The following ENTPD1 variants were observed in gnomAD, a reference collection of about 807,000 sequenced individuals.
The protein encoded by ENTPD1 is ATP diphosphohydrolase.
Under a neutral mutation model 57.0 loss-of-function variants are expected in ENTPD1, and 33 were observed. The observed-to-expected ratio is 0.58, with a 90% CI of 0.44 to 0.77. The LOEUF (loss-of-function observed/expected upper bound fraction) is 0.77. ENTPD1 is among the 30% of genes least tolerant of loss of function. The pLI is 0.00. For missense variants in ENTPD1, 501 were observed against 603.4 expected (o/e 0.83, Z 1.78); for synonymous variants, 202 against 218.8 (o/e 0.92, Z 0.68).
intron 1 of ENTPD1, among the ~76,000 whole-genome samples, chr10:95,767,844 T>C (rs1219891475): frequency 6.6e-6 from 1 of 152,196 alleles, no homozygotes; most frequent in Non-Finnish European, 1.5e-5. Context: ...CAAAAGCATA[T>C]GTTCAAAACT....
At chr10:95,824,825 A>G (rs1189872745) in intron 2 of ENTPD1, among the ~76,000 whole-genome samples, 2 of 152,214 alleles carry the variant, frequency 1.3e-5, no homozygotes, top group African/African-American at 4.8e-5. Flanking sequence ...TGGGCCTGGC[A>G]AAATGGAACA....
intron 7 of ENTPD1, among the ~76,000 whole-genome samples, chr10:95,852,030 G>A (rs376249146): frequency 6.6e-6 from 1 of 152,270 alleles, no homozygotes; most frequent in African/African-American, 2.4e-5. Flanking sequence ...GGTTGAACTA[G>A]TTTACAGTCC....
chr10:95,841,609 G>C (rs1441275383), intron 3 of ENTPD1, among the ~76,000 whole-genome samples: 2 of 152,270 alleles, frequency 1.3e-5, no homozygotes, highest in South Asian at 2.1e-4. Flanking sequence ...TAACTTATTT[G>C]AATAATTATC....
intron 1 of ENTPD1, among the ~76,000 whole-genome samples, chr10:95,746,824 T>G (rs1479657162): frequency 6.6e-6 from 1 of 152,184 alleles, no homozygotes; most frequent in African/African-American, 2.4e-5. Flanking sequence ...CAAATTCAAT[T>G]GAATTAATTT....
At chr10:95,732,314 G>A (rs543526881) in intron 1 of ENTPD1, among the ~76,000 whole-genome samples, 17 of 152,252 alleles carry the variant, frequency 1.1e-4, no homozygotes, top group South Asian at 4.1e-4. Flanking sequence ...TGGAGGCAAA[G>A]TTCTTGCAAT....
intron 1 of ENTPD1, among the ~76,000 whole-genome samples, chr10:95,814,024 T>G (rs1292662282): frequency 6.6e-6 from 1 of 152,210 alleles, no homozygotes; most frequent in Non-Finnish European, 1.5e-5. Flanking sequence ...CAGGGCACAA[T>G]TTTTCAATTT....
the ENTPD1 span, among the ~76,000 whole-genome samples, chr10:95,702,437 T>G: frequency 6.6e-6 from 1 of 151,982 alleles, no homozygotes; most frequent in South Asian, 2.1e-4. Context: ...GATTATTTGT[T>G]AAGATCTAGT....
At chr10:95,734,429 T>C (rs1344702304) in intron 1 of ENTPD1, among the ~76,000 whole-genome samples, 1 of 152,192 alleles carries the variant, frequency 6.6e-6, no homozygotes, top group Non-Finnish European at 1.5e-5. Flanking sequence ...GGGCAGAATA[T>C]GGCAAGGGCT....
In ENTPD1 at chr10:95,847,469, G is replaced by A. The variant is rs1292775443; in HGVS notation, c.837G>A (p.Arg279=). The change falls in exon 7 of 10, where the codon AGG becomes AGA. Residue 279 remains arginine (R), a synonymous_variant. Transcript: ENST00000371205. Reference sequence around the variant, plus strand: ...AGGTTGCAAGTAATGAAATTCTCAGGGACCCATGCTTTCATCCTGGATATA... The same window carrying A: ...AGGTTGCAAGTAATGAAATTCTCAGAGACCCATGCTTTCATCCTGGATATA... ...DIQVASNEIL[R]DPCFHPGYKK... The A allele has an allele frequency of 6.2e-7, 1 of 1,614,098 alleles. No homozygotes were observed. Among genetic ancestry groups the A allele is most frequent in the Admixed American group, 1.7e-5 (1 of 60,024 alleles).
intron 2 of ENTPD1, among the ~76,000 whole-genome samples, chr10:95,836,224 T>C (rs2098409320): frequency 6.6e-6 from 1 of 152,220 alleles, no homozygotes; most frequent in Non-Finnish European, 1.5e-5. Flanking sequence ...TTAGTTATCA[T>C]AGCTTTGTGG....
chr10:95,784,177 G>T (rs2098169165), intron 1 of ENTPD1, among the ~76,000 whole-genome samples: 1 of 150,048 alleles, frequency 6.7e-6, no homozygotes, highest in African/African-American at 2.5e-5. Flanking sequence ...CATAAGATAG[G>T]GTAGGCATTA....
chr10:95,712,530 T>C (rs7905653), intron 1 of ENTPD1, among the ~76,000 whole-genome samples: 127,888 of 152,146 alleles, frequency 0.84, 54,314 homozygotes, highest in Non-Finnish European at 0.91. Context: ...AGATTTTAAG[T>C]GGTATACTTT....
intron 1 of ENTPD1, among the ~76,000 whole-genome samples, chr10:95,790,312 C>T (rs1165899695): frequency 6.6e-6 from 1 of 152,002 alleles, no homozygotes; most frequent in East Asian, 1.9e-4. Flanking sequence ...AAGAATACAC[C>T]ATATAATACA....
chr10:95,763,793 G>A (rs1315748996), intron 1 of ENTPD1, among the ~76,000 whole-genome samples: 1 of 152,200 alleles, frequency 6.6e-6, no homozygotes, highest in Non-Finnish European at 1.5e-5. Context: ...AAGTGCTGGT[G>A]GCTTTAGTTA....
chr10:95,809,893 C>A (rs1304180887), intron 1 of ENTPD1, among the ~76,000 whole-genome samples: 1 of 149,420 alleles, frequency 6.7e-6, no homozygotes, highest in Non-Finnish European at 1.5e-5. Flanking sequence ...CAGAGGTGCT[C>A]CTCACTTCCC....
chr10:95,744,908 A>T (rs1323897652), intron 1 of ENTPD1, among the ~76,000 whole-genome samples: 1 of 152,040 alleles, frequency 6.6e-6, no homozygotes, highest in African/African-American at 2.4e-5. Context: ...TGCTTTACTT[A>T]TTCGACCTTT....
intron 2 of ENTPD1, among the ~76,000 whole-genome samples, chr10:95,829,786 A>G (rs578141118): frequency 1.3e-5 from 2 of 152,258 alleles, no homozygotes; most frequent in African/African-American, 4.8e-5. Context: ...ACTCATGTTG[A>G]AACTTAATCC....
At chr10:95,728,108 A>G (rs1464449553) in intron 1 of ENTPD1, among the ~76,000 whole-genome samples, 1 of 152,192 alleles carries the variant, frequency 6.6e-6, no homozygotes, top group Non-Finnish European at 1.5e-5. Flanking sequence ...AATTTGTTTC[A>G]TATTTCAGTT....
chr10:95,737,134 G>A (rs1322938931), intron 1 of ENTPD1, among the ~76,000 whole-genome samples: 1 of 152,146 alleles, frequency 6.6e-6, no homozygotes, highest in African/African-American at 2.4e-5. Context: ...AGTATTTACT[G>A]TTTTCCTACT....
Sources: allele counts gnomAD v4.1 joint callset (sites outside exome capture counted in the v4.1 genomes callset), GRCh38; gene constraint gnomAD v4.1.1; transcripts MANE v1.5; gene names NCBI Gene and HGNC (gene_info 2026-07-23, HGNC 2026-07-21).